MAP3K21: variants seen among roughly 807,000 people sequenced by gnomAD.
MAP3K21 encodes mitogen-activated protein kinase kinase kinase MLK4.
A neutral mutation model predicts 86.1 loss-of-function variants in MAP3K21; 63 were observed. The observed-to-expected ratio is 0.73, with a 90% CI of 0.60 to 0.90. MAP3K21 has a LOEUF of 0.90. MAP3K21 is among the 40% of genes least tolerant of loss of function. The pLI, the probability that MAP3K21 is intolerant of heterozygous loss-of-function variation, is 0.00. For synonymous variants in MAP3K21, 558 were observed against 564.8 expected, an observed-to-expected ratio of 0.99 and a Z score of 0.17; for missense variants, 1,220 against 1,367.7, an observed-to-expected ratio of 0.89 and a Z score of 1.70.
Position 233,346,587 on chromosome 1 carries a change from G to A in MAP3K21, c.951G>A (p.Lys317=). ...CCTGGATGGCCCCCGAAGTGATCAA[G>A]TCTTCCTTGTTTTCTAAGGGAAGCG... ...TYAWMAPEVI[K]SSLFSKGSDI... is the part of the protein sequence containing the mutation. Residue 317 remains lysine (K), a synonymous_variant, in exon 2 of 10, where the codon AAG becomes AAA. Coordinates refer to ENST00000366624, the MANE Select transcript of MAP3K21 (RefSeq NM_032435.3). 3 of 1,613,790 alleles carry A rather than the reference G, an allele frequency of 1.9e-6. No homozygotes were observed. The highest frequency in any genetic ancestry group is 2.5e-6 in the Non-Finnish European group (3 of 1,179,860).
At chr1:233,358,970 C>G (rs867331517) in intron 4 of MAP3K21, among the ~76,000 whole-genome samples, 1 of 151,634 alleles carries the variant, frequency 6.6e-6, no homozygotes, top group East Asian at 1.9e-4. Flanking sequence ...CCACCACACC[C>G]GGCTAATTTT....
At chr1:233,336,010 C>T (rs1662904990) in intron 1 of MAP3K21, among the ~76,000 whole-genome samples, 1 of 152,140 alleles carries the variant, frequency 6.6e-6, no homozygotes, top group African/African-American at 2.4e-5. Flanking sequence ...ACTTTGAGAA[C>T]CTCTAGGCTA....
chr1:233,380,741 T>A (rs1349042732), intron 9 of MAP3K21, among the ~76,000 whole-genome samples: 1 of 152,226 alleles, frequency 6.6e-6, no homozygotes. Flanking sequence ...TGTCTCTTAG[T>A]TTTTATGGCA....
chr1:233,362,178 T>G lies in MAP3K21; in HGVS notation c.1437T>G (p.Leu479=), dbSNP rs45529431. 0.012 allele frequency: 19,052 copies of G among 1,614,204 alleles called. 132 individuals carry two copies. The highest frequency in any genetic ancestry group is 0.014 in the Non-Finnish European group (16,703 of 1,180,044). The change falls in exon 5 of 10, where the codon CTT becomes CTG. Residue 479 remains leucine, a synonymous_variant. Transcript: ENST00000366624. ...EREIDVLERE[L]NILIFQLNQE... ...AGATCGACGTGCTGGAGCGGGAACTTAACATTCTGATATTCCAGCTAAACC... is the reference window on the plus strand; with the variant it reads ...AGATCGACGTGCTGGAGCGGGAACTGAACATTCTGATATTCCAGCTAAACC...
chr1:233,346,373 T>A (rs1663139441), intron 1 of MAP3K21, 69 bp from the exon 2 acceptor site: 1 of 1,241,842 alleles, frequency 8.1e-7, no homozygotes, highest in Admixed American at 2.1e-5. Flanking sequence ...GTGTTTTACA[T>A]GCCACAGAAA....
At chr1:233,364,887 C>T (rs1558459981) in intron 5 of MAP3K21, among the ~76,000 whole-genome samples, 1 of 152,024 alleles carries the variant, frequency 6.6e-6, no homozygotes, top group Non-Finnish European at 1.5e-5. Flanking sequence ...CCTCTTCTGC[C>T]CACAAGATGG....
chr1:233,382,901 G>T lies in MAP3K21; in HGVS notation c.*190G>T. The T allele has an allele frequency of 5.6e-6, 3 of 538,784 alleles. No homozygotes were observed. The highest frequency in any genetic ancestry group is 6.5e-6 in the Non-Finnish European group (2 of 306,414). 33.4% of individuals were successfully genotyped at this position (538,784 alleles called of 1,614,324 possible). Reference sequence around the variant, plus strand: ...TAGCCATGTCTATTGTTTTTCCTCTGGATTCTTTTCTTATAACTTGGAATA... The same window carrying T: ...TAGCCATGTCTATTGTTTTTCCTCTTGATTCTTTTCTTATAACTTGGAATA... On this transcript the variant is annotated 3_prime_UTR_variant, in exon 10 of 10. Coordinates refer to ENST00000366624, the MANE Select transcript of MAP3K21 (RefSeq NM_032435.3).
intron 8 of MAP3K21, among the ~76,000 whole-genome samples, chr1:233,377,120 A>AAATAAAT (rs1401937000): frequency 6.6e-6 from 1 of 152,112 alleles, no homozygotes; most frequent in Non-Finnish European, 1.5e-5. Context: ...ATAAATAAAT[A>AAATAAAT]AATAAGAAAA....
chr1:233,333,858 T>A (rs974404409), intron 1 of MAP3K21, among the ~76,000 whole-genome samples: 8 of 152,078 alleles, frequency 5.3e-5, no homozygotes, highest in Non-Finnish European at 1.0e-4. Flanking sequence ...GCATTGGCTT[T>A]TTTGTGTGTG....
intron 2 of MAP3K21, among the ~76,000 whole-genome samples, chr1:233,348,126 C>T (rs1663184895): frequency 1.3e-5 from 2 of 152,092 alleles, no homozygotes; most frequent in South Asian, 4.1e-4. Flanking sequence ...AAACCTGTCA[C>T]CCCTTACCTA....
Position 233,328,712 on chromosome 1 carries a change from C to A in MAP3K21, c.684C>A (p.Arg228=). 1.4e-6 allele frequency: 2 copies of A among 1,388,920 alleles called. No homozygotes were observed. The highest frequency in any genetic ancestry group is 1.9e-6 in the Non-Finnish European group (2 of 1,064,566). The allele number at this position is 1,388,920 out of a possible 1,614,324, so 86.0% of individuals were successfully genotyped here. A position where few individuals can be genotyped will look rare whatever the true frequency, so the allele number is the denominator to read the frequency against. Residue 228 remains arginine (R), a synonymous_variant, in exon 1 of 10, where the codon CGC becomes CGA. Transcript: ENST00000366624. This position sits in a 1 kb window ranked among gnomAD's most constrained non-coding sequence, Gnocchi z 8.7. ...ACCCGCGCGCGCCCGGCCCCCGCCG[C>A]GCGCGCCGCATCCCTCCGCACGTGC... ...APDPRAPGPR[R]ARRIPPHVLV...
At chr1:233,330,814 G>A (rs1173716852) in intron 1 of MAP3K21, among the ~76,000 whole-genome samples, 1 of 152,166 alleles carries the variant, frequency 6.6e-6, no homozygotes, top group South Asian at 2.1e-4. Flanking sequence ...ACAACACAGG[G>A]TAGAGAATGT....
At chr1:233,344,185 C>T (rs1663089827) in intron 1 of MAP3K21, among the ~76,000 whole-genome samples, 1 of 152,200 alleles carries the variant, frequency 6.6e-6, no homozygotes, top group Non-Finnish European at 1.5e-5. Flanking sequence ...AATGCCATCC[C>T]CATCAAGCTA....
chr1:233,360,101 G>A (rs568463492), intron 4 of MAP3K21, among the ~76,000 whole-genome samples: 1 of 152,250 alleles, frequency 6.6e-6, no homozygotes, highest in East Asian at 1.9e-4. Context: ...GCTTTCTCAT[G>A]CCATCTCATT....
chr1:233,361,660 A>C (rs1194126703), intron 4 of MAP3K21, among the ~76,000 whole-genome samples: 2 of 152,226 alleles, frequency 1.3e-5, no homozygotes, highest in Admixed American at 1.3e-4. Context: ...GGTCATTCAC[A>C]TCTGCACTTT....
At position 233,383,070 on chromosome 1, in the gene MAP3K21, T is replaced by C. The variant is rs1444938554; in HGVS notation, c.*359T>C. On this transcript the variant is annotated 3_prime_UTR_variant, in exon 10 of 10. Transcript: ENST00000366624. Reference sequence around the variant, plus strand: ...AAATTGTAATGAGCTTCACTATTTTTGTTTCTTTCCTTCCTTTTTTTTCTT... The same window carrying C: ...AAATTGTAATGAGCTTCACTATTTTCGTTTCTTTCCTTCCTTTTTTTTCTT... 1 of 159,662 alleles carries C rather than the reference T, an allele frequency of 6.3e-6. No homozygotes were observed. The highest frequency in any genetic ancestry group is 1.4e-5 in the Non-Finnish European group (1 of 73,088). The allele number at this position is 159,662 out of a possible 1,614,324, so 9.9% of individuals were successfully genotyped here.
chr1:233,340,570 G>A (rs917127914), intron 1 of MAP3K21, among the ~76,000 whole-genome samples: 1 of 151,880 alleles, frequency 6.6e-6, no homozygotes, highest in African/African-American at 2.4e-5. Context: ...AGTGAGTGGG[G>A]TATGTGTCCG....
At chr1:233,333,713 A>G (rs896393668) in intron 1 of MAP3K21, among the ~76,000 whole-genome samples, 14 of 152,248 alleles carry the variant, frequency 9.2e-5, no homozygotes, top group African/African-American at 3.4e-4. Context: ...TATCAAGTAT[A>G]TCAAAGCAGG....
At chr1:233,374,421 G>A (rs993214713) in intron 6 of MAP3K21, among the ~76,000 whole-genome samples, 6 of 152,082 alleles carry the variant, frequency 3.9e-5, no homozygotes, top group South Asian at 2.1e-4. Flanking sequence ...TGATCCACCC[G>A]CCTTGGCCTC....
Sources: gnomAD v4.1 joint callset for allele counts (sites outside exome capture counted in the v4.1 genomes callset) on GRCh38, gnomAD v4.1.1 for gene constraint, Gnocchi (gnomAD v3.1) non-coding constraint, MANE v1.5 for transcripts, NCBI Gene and HGNC (gene_info 2026-07-23, HGNC 2026-07-21) for gene names.